Variants in GLDC observed in about 807,000 individuals in gnomAD.
GLDC encodes glycine dehydrogenase (decarboxylating), mitochondrial.
Under a neutral mutation model 121.3 loss-of-function variants are expected in GLDC, and 104 were observed. The ratio of observed to expected loss-of-function variants is 0.86; its 90% CI spans 0.73 to 1.01. GLDC has a LOEUF of 1.01. Ranked by LOEUF, GLDC falls within the 50% of genes least tolerant of loss-of-function variation. The pLI is 0.00. For synonymous variants in GLDC, 546 were observed against 480.6 expected (o/e 1.14, Z -1.78); for missense variants, 1,429 against 1,306.6 (o/e 1.09, Z -1.44).
intron 14 of GLDC, among the ~76,000 whole-genome samples, 159 bp downstream of exon 14, chr9:6,588,242 G>A (rs555933258): frequency 1.3e-5 from 2 of 152,174 alleles, no homozygotes; most frequent in South Asian, 2.1e-4. Flanking sequence ...GAAATACAGG[G>A]TTACTCCCAA....
intron 3 of GLDC, among the ~76,000 whole-genome samples, chr9:6,614,422 G>A (rs1818928045): frequency 6.6e-6 from 1 of 151,584 alleles, no homozygotes; most frequent in African/African-American, 2.4e-5. Flanking sequence ...TTTTTGTAGG[G>A]ATGGAGTTTC....
At position 6,610,218 on chromosome 9, in the gene GLDC, G is replaced by C. The variant is rs201699152; in HGVS notation, c.609C>G (p.Ala203=). Residue 203 remains alanine (A), a synonymous_variant, in exon 4 of 25, where the codon GCC becomes GCG. Coordinates refer to ENST00000321612, the MANE Select transcript of GLDC (RefSeq NM_000170.3). ...TGTAGCACAGCTGCAGTGCCTCTGC[G>C]GCTGCAGTCCCCTCATCCAGCAGGG... is the stretch of plus-strand genomic sequence containing the variant. ...NASLLDEGTA[A]AEALQLCYRH... 6.2e-6 allele frequency: 10 copies of C among 1,612,842 alleles called. No individual in the cohort carries two copies. Among genetic ancestry groups the C allele is most frequent in the Non-Finnish European group, 8.5e-6 (10 of 1,179,518 alleles).
At position 6,593,707 on chromosome 9, in the gene GLDC, T is replaced by G. The variant is rs79449617; in HGVS notation, c.1262-717A>C. On this transcript the variant is annotated intron_variant, in intron 9 of 24. Transcript: ENST00000321612. ...ATTTAATCACTTTTTTTTTTTTTTTTTGAGAGATGGAGTCTCACTCTGTTG... is the reference window on the plus strand; with the variant it reads ...ATTTAATCACTTTTTTTTTTTTTTTGTGAGAGATGGAGTCTCACTCTGTTG... Among the ~76,000 whole-genome samples, 3 of 151,672 alleles carry G rather than the reference T, an allele frequency of 2.0e-5. No individual in the cohort carries two copies. The East Asian group carries it at 5.8e-4, about 29-fold the overall frequency.
At chr9:6,606,343 A>T (rs1337165956) in intron 5 of GLDC, among the ~76,000 whole-genome samples, 1 of 151,784 alleles carries the variant, frequency 6.6e-6, no homozygotes, top group East Asian at 1.9e-4. Context: ...GAAGAAGAAA[A>T]CAAAACACAA....
intron 2 of GLDC, among the ~76,000 whole-genome samples, chr9:6,640,504 C>T (rs890562752): frequency 6.6e-6 from 1 of 152,232 alleles, no homozygotes. Flanking sequence ...ACAATGCTCC[C>T]TCCCTCCGCT....
intron 15 of GLDC, among the ~76,000 whole-genome samples, chr9:6,571,728 A>T (rs1195263808): frequency 6.6e-6 from 1 of 152,208 alleles, no homozygotes; most frequent in Non-Finnish European, 1.5e-5. Context: ...CTTAGGATGA[A>T]TTGCTTATTT....
chr9:6,595,681 T>C (rs1055216334), intron 8 of GLDC, among the ~76,000 whole-genome samples: 5 of 152,146 alleles, frequency 3.3e-5, no homozygotes, highest in Non-Finnish European at 7.4e-5. Flanking sequence ...CAATGCGCAC[T>C]TCAGCTGGGA....
At chr9:6,634,235 A>T (rs1819452241) in intron 2 of GLDC, among the ~76,000 whole-genome samples, 1 of 152,082 alleles carries the variant, frequency 6.6e-6, no homozygotes, top group Non-Finnish European at 1.5e-5. Flanking sequence ...TCAAAAAGAA[A>T]AAAACAAACA....
At chr9:6,612,530 C>A (rs1174235138) in intron 3 of GLDC, among the ~76,000 whole-genome samples, 1 of 151,922 alleles carries the variant, frequency 6.6e-6, no homozygotes, top group Non-Finnish European at 1.5e-5. Context: ...CCCTGGAATT[C>A]GAGACTAGCC....
chr9:6,588,465 G>C (rs1818312666), intron 13 of GLDC, 23 bp from the exon 14 acceptor site: 1 of 1,598,096 alleles, frequency 6.3e-7, no homozygotes, highest in Non-Finnish European at 8.6e-7. Flanking sequence ...CATCCAAAAT[G>C]TATCACATTA....
intron 2 of GLDC, among the ~76,000 whole-genome samples, chr9:6,621,659 A>G (rs2129953782): frequency 6.6e-6 from 1 of 152,226 alleles, no homozygotes; most frequent in South Asian, 2.1e-4. Flanking sequence ...CTGGGACTAC[A>G]GTCGCACATC....
chr9:6,598,270 A>G (rs777142963), intron 8 of GLDC, among the ~76,000 whole-genome samples: 1 of 152,140 alleles, frequency 6.6e-6, no homozygotes, highest in Non-Finnish European at 1.5e-5. Context: ...AACTCAAGTA[A>G]TCCTCCTGCC....
Position 6,592,216 on chromosome 9 carries a change from A to G in GLDC, c.1409T>C (p.Ile470Thr). The change falls in exon 11 of 25, where the codon ATT becomes ACT. Residue 470 changes from isoleucine to threonine, a missense_variant. Transcript: ENST00000321612. The stretch of plus-strand genomic sequence containing the variant: ...TTCATTGACTGTTTCATCAAGAGAA[A>G]TACCAAGCTACAGAAACACAAACAA... ...FRLFEDGTLG[I>T]SLDETVNEKD... 1 of 1,595,982 alleles carries G rather than the reference A, an allele frequency of 6.3e-7. No individual in the cohort carries two copies. Among genetic ancestry groups the G allele is most frequent in the Non-Finnish European group, 8.6e-7 (1 of 1,163,864 alleles).
intron 4 of GLDC, among the ~76,000 whole-genome samples, chr9:6,609,686 G>C (rs1345118346): frequency 1.4e-5 from 2 of 141,956 alleles, no homozygotes; most frequent in Non-Finnish European, 3.0e-5. Context: ...CCCTGCTCCC[G>C]CCCTCTGCCC....
chr9:6,558,195 G>T lies in GLDC; in HGVS notation c.2052+364C>A. ...TGGCACAGTCATGGATATTTGCAAAGCTGACATTTGTGTTACAATTCCTGA... is the reference window on the plus strand; with the variant it reads ...TGGCACAGTCATGGATATTTGCAAATCTGACATTTGTGTTACAATTCCTGA... On this transcript the variant is annotated intron_variant, in intron 17 of 24. Coordinates refer to ENST00000321612, the MANE Select transcript of GLDC (RefSeq NM_000170.3). The T allele has an allele frequency of 7.9e-6, 4 of 504,140 alleles. No individual in the cohort carries two copies. The Admixed American group carries it at 1.0e-4, about 13-fold the overall frequency. 31.2% of individuals were successfully genotyped at this position (504,140 alleles called of 1,614,324 possible).
chr9:6,605,067 A>G (rs1818701999), intron 6 of GLDC, 64 bp downstream of exon 6: 2 of 1,397,142 alleles, frequency 1.4e-6, no homozygotes, highest in East Asian at 2.3e-5. Context: ...AGAGAGAGAG[A>G]TAGGTAGACA....
chr9:6,537,315 G>A (rs1817149360), intron 22 of GLDC, among the ~76,000 whole-genome samples: 1 of 152,112 alleles, frequency 6.6e-6, no homozygotes, highest in South Asian at 2.1e-4. Flanking sequence ...CACCACACCA[G>A]GCCTATGAAA....
At chr9:6,598,960 C>T (rs533035521) in intron 8 of GLDC, among the ~76,000 whole-genome samples, 1 of 152,090 alleles carries the variant, frequency 6.6e-6, no homozygotes. Context: ...GCGGGCGGAT[C>T]ACCTGAGGTC....
At position 6,604,793 on chromosome 9, in the gene GLDC, G is replaced by A. The variant is rs1818696548; in HGVS notation, c.862-9C>T. 1 of 1,611,160 alleles carries A rather than the reference G, an allele frequency of 6.2e-7. No individual in the cohort carries two copies. Among genetic ancestry groups the A allele is most frequent in the African/African-American group, 1.3e-5 (1 of 74,872 alleles). Reference sequence around the variant, plus strand: ...GCACAGCAGGCCAGGCTCTAGAAAGGAAGTGAGAGAAAAGGAACAAGGTTG... The same window carrying A: ...GCACAGCAGGCCAGGCTCTAGAAAGAAAGTGAGAGAAAAGGAACAAGGTTG... On this transcript the variant is annotated splice_polypyrimidine_tract_variant and intron_variant, in intron 6 of 24. Transcript: ENST00000321612.
Sources: allele counts gnomAD v4.1 joint callset (sites outside exome capture counted in the v4.1 genomes callset), GRCh38; gene constraint gnomAD v4.1.1; transcripts MANE v1.5; gene names NCBI Gene and HGNC (gene_info 2026-07-23, HGNC 2026-07-21).